The following METTL25 variants were observed in gnomAD, a reference collection of about 807,000 sequenced individuals.
The protein encoded by METTL25 is probable methyltransferase-like protein 25.
A neutral mutation model predicts 71.6 loss-of-function variants in METTL25; 64 were observed. The ratio of observed to expected loss-of-function variants is 0.89; its 90% confidence interval spans 0.73 to 1.10. The LOEUF is 1.10. Ranked by LOEUF, METTL25 falls within the 50% of genes least tolerant of loss-of-function variation. The pLI, the probability that METTL25 is intolerant of heterozygous loss-of-function variation, is 0.00. For missense variants in METTL25, 807 were observed against 707.0 expected (o/e 1.14, Z -1.60); for synonymous variants, 287 against 250.3 (o/e 1.15, Z -1.38).
intron 2 of METTL25, among the ~76,000 whole-genome samples, chr12:82,388,308 A>AT (rs1213277344): frequency 6.6e-6 from 1 of 151,932 alleles, no homozygotes; most frequent in Non-Finnish European, 1.5e-5. Context: ...TTTTATTATT[A>AT]TTTTAATTTT....
chr12:82,399,670 T>C (rs1330913957), intron 4 of METTL25, among the ~76,000 whole-genome samples: 1 of 152,158 alleles, frequency 6.6e-6, no homozygotes, highest in African/African-American at 2.4e-5. Context: ...TTCTGCAGTT[T>C]AGGAATTGTT....
intron 5 of METTL25, among the ~76,000 whole-genome samples, chr12:82,415,789 A>G (rs548898819): frequency 1.8e-4 from 27 of 152,270 alleles, no homozygotes; most frequent in African/African-American, 4.8e-4. Context: ...CATTCAATTC[A>G]AACACTCATT....
chr12:82,387,247 C>T (rs1885126593), intron 2 of METTL25, among the ~76,000 whole-genome samples: 1 of 151,930 alleles, frequency 6.6e-6, no homozygotes, highest in South Asian at 2.1e-4. Flanking sequence ...TCACAGTGAG[C>T]TACTACAAAT....
At chr12:82,414,962 A>G (rs1362124950) in intron 5 of METTL25, among the ~76,000 whole-genome samples, 1 of 152,126 alleles carries the variant, frequency 6.6e-6, no homozygotes, top group Non-Finnish European at 1.5e-5. Flanking sequence ...ATATTAGTAT[A>G]AAAATTATCT....
intron 7 of METTL25, among the ~76,000 whole-genome samples, chr12:82,437,825 A>G (rs1234848617): frequency 6.6e-6 from 1 of 151,476 alleles, no homozygotes; most frequent in African/African-American, 2.4e-5. Flanking sequence ...TCCTCCTTCT[A>G]TTCTTACTCA....
chr12:82,429,298 A>C (rs372338403), intron 5 of METTL25, among the ~76,000 whole-genome samples: 38 of 151,570 alleles, frequency 2.5e-4, no homozygotes, highest in African/African-American at 9.2e-4. Context: ...AGAATGTGCA[A>C]TATTTGCCTT....
intron 9 of METTL25, among the ~76,000 whole-genome samples, chr12:82,461,849 G>A (rs979388690): frequency 3.9e-5 from 6 of 152,258 alleles, no homozygotes; most frequent in East Asian, 3.9e-4. Context: ...AGATGTATGC[G>A]ATCTAACGCA....
chr12:82,383,589 C>T (rs1039985803), intron 1 of METTL25, among the ~76,000 whole-genome samples: 6 of 152,112 alleles, frequency 3.9e-5, no homozygotes, highest in African/African-American at 1.4e-4. Flanking sequence ...ACATAGTATA[C>T]ATACAGTAAA....
At chr12:82,441,993 G>A (rs189319993) in intron 8 of METTL25, among the ~76,000 whole-genome samples, 6 of 152,058 alleles carry the variant, frequency 3.9e-5, no homozygotes, top group African/African-American at 9.6e-5. Flanking sequence ...ATCCAACTGC[G>A]ATAAAAATTA....
chr12:82,391,104 A>T (rs555982109), intron 3 of METTL25, among the ~76,000 whole-genome samples: 2 of 152,134 alleles, frequency 1.3e-5, no homozygotes, highest in African/African-American at 4.8e-5. Flanking sequence ...TAAGCTGGAT[A>T]CAGGTTCTGT....
intron 4 of METTL25, among the ~76,000 whole-genome samples, chr12:82,400,018 C>A (rs898443863): frequency 3.4e-5 from 5 of 148,684 alleles, no homozygotes; most frequent in African/African-American, 1.2e-4. Flanking sequence ...TAAAGAAATT[C>A]TTCCCCAAAG....
intron 6 of METTL25, among the ~76,000 whole-genome samples, chr12:82,432,780 T>C (rs997551027): frequency 6.6e-6 from 1 of 150,684 alleles, no homozygotes; most frequent in Admixed American, 6.7e-5. Context: ...TAAGGAACAA[T>C]TCTTTTAATA....
chr12:82,419,428 C>T (rs1040019107), intron 5 of METTL25, among the ~76,000 whole-genome samples: 1 of 152,020 alleles, frequency 6.6e-6, no homozygotes, highest in African/African-American at 2.4e-5. Flanking sequence ...GGACAAGAAC[C>T]CTTTTTCTGG....
At chr12:82,385,484 T>A (rs1035830809) in intron 1 of METTL25, among the ~76,000 whole-genome samples, 4 of 152,270 alleles carry the variant, frequency 2.6e-5, no homozygotes, top group African/African-American at 9.6e-5. Context: ...GCCTTTAAGA[T>A]GTGTGTTTTT....
At chr12:82,360,201 A>C (rs993787114) in intron 1 of METTL25, among the ~76,000 whole-genome samples, 5 of 152,212 alleles carry the variant, frequency 3.3e-5, no homozygotes, top group African/African-American at 1.2e-4. Flanking sequence ...ATACGTGTTT[A>C]GCCTGGTCTC....
chr12:82,438,850 T>C, intron 8 of METTL25, 59 bp downstream of exon 8: 1 of 1,411,998 alleles, frequency 7.1e-7, no homozygotes, highest in South Asian at 1.6e-5. Context: ...AAGTGACTTT[T>C]AGTCTTCAGG....
chr12:82,389,731 A>T, intron 2 of METTL25, 85 bp from the exon 3 acceptor site: 1 of 784,868 alleles, frequency 1.3e-6, no homozygotes, highest in Non-Finnish European at 2.1e-6. Flanking sequence ...TTTCCTACTT[A>T]ATTTCAAAAA....
chr12:82,379,016 A>C (rs1884165486), intron 1 of METTL25, among the ~76,000 whole-genome samples: 1 of 152,190 alleles, frequency 6.6e-6, no homozygotes, highest in African/African-American at 2.4e-5. Flanking sequence ...TGGGCAACAG[A>C]GTGAGACCTT....
chr12:82,449,884 A>G (rs185684267), intron 8 of METTL25, among the ~76,000 whole-genome samples: 9 of 152,006 alleles, frequency 5.9e-5, no homozygotes, highest in African/African-American at 2.2e-4. Flanking sequence ...AGTGCTGCCA[A>G]TTTCTTTCCC....
Sources: allele counts gnomAD v4.1 joint callset (sites outside exome capture counted in the v4.1 genomes callset), GRCh38; gene constraint gnomAD v4.1.1; transcripts MANE v1.5; gene names NCBI Gene and HGNC (gene_info 2026-07-23, HGNC 2026-07-21).